The following ANKRD11 variants were observed in gnomAD, a reference collection of about 807,000 sequenced individuals.
The protein encoded by ANKRD11 is ankyrin repeat domain-containing protein 11.
In ANKRD11, 17 loss-of-function variants were observed where a neutral mutation model predicts 195.7. That is an observed-to-expected ratio of 0.09 (90% confidence interval 0.06 to 0.13). The LOEUF (loss-of-function observed/expected upper bound fraction) is 0.13. ANKRD11 is among the 10% of genes least tolerant of loss of function. ANKRD11 has a pLI of 1.00. For synonymous variants in ANKRD11, 1,953 were observed against 1,528.1 expected (o/e 1.28, Z -6.49); for missense variants, 3,735 against 3,566.1 (o/e 1.05, Z -1.21).
intron 2 of ANKRD11, among the ~76,000 whole-genome samples, chr16:89,347,681 C>T (rs1020483804): frequency 6.6e-6 from 1 of 151,336 alleles, no homozygotes; most frequent in African/African-American, 2.4e-5. Flanking sequence ...TTCTCCTTAT[C>T]GGTTTTTCCT....
At chr16:89,347,546 G>C (rs979378520) in intron 2 of ANKRD11, among the ~76,000 whole-genome samples, 2 of 151,548 alleles carry the variant, frequency 1.3e-5, no homozygotes, top group African/African-American at 4.9e-5. Flanking sequence ...GGGAGATGGA[G>C]GTTGCAGCGA....
chr16:89,388,293 A>ATGTTTTTTTTTTT (rs2041016022), intron 2 of ANKRD11, among the ~76,000 whole-genome samples: 2 of 85,266 alleles, frequency 2.3e-5, no homozygotes, highest in African/African-American at 4.3e-5. Flanking sequence ...CATGAGGCTG[A>ATGTTTTTTTTTTT]TTTTTTTTTT....
intron 5 of ANKRD11, 53 bp downstream of exon 5, chr16:89,290,960 G>C (rs2035022250): frequency 1.2e-6 from 2 of 1,609,988 alleles, no homozygotes; most frequent in African/African-American, 1.3e-5. Flanking sequence ...ATGAGGCTGC[G>C]ACCAGGCAGA....
At chr16:89,489,252 CA>C (rs1264354739) in intron 1 of ANKRD11, 1 of 152,478 alleles carries the variant, frequency 6.6e-6, no homozygotes, top group African/African-American at 2.4e-5. Context: ...CGCGCACACA[CA>C]TACACCACAC....
At chr16:89,382,474 T>C (rs1039947219) in intron 2 of ANKRD11, among the ~76,000 whole-genome samples, 3 of 149,478 alleles carry the variant, frequency 2.0e-5, no homozygotes, top group African/African-American at 7.4e-5. Context: ...CACAGGTGCG[T>C]GCCACCAAGC....
intron 2 of ANKRD11, among the ~76,000 whole-genome samples, chr16:89,329,377 A>C (rs1042958716): frequency 1.3e-5 from 2 of 152,188 alleles, no homozygotes; most frequent in African/African-American, 2.4e-5. Context: ...CTGTGAGTCT[A>C]TAATGATTTC....
Position 89,304,682 on chromosome 16 carries a change from A to C in ANKRD11, c.226+524T>G, listed in dbSNP as rs145246585. Among the ~76,000 whole-genome samples the C allele has an allele frequency of 6.5e-3, 989 of 152,190 alleles. 18 individuals are homozygous for C. The highest frequency in any genetic ancestry group is 0.023 in the African/African-American group (943 of 41,514). ...GGCATGTGCACATGGGCACACATAC[A>C]CACAGGCATACACACTTGGGCACAC... On this transcript the variant is annotated intron_variant, in intron 4 of 12. Coordinates refer to ENST00000301030, the MANE Select transcript of ANKRD11 (RefSeq NM_013275.6).
intron 1 of ANKRD11, among the ~76,000 whole-genome samples, chr16:89,479,890 C>G (rs994644606): frequency 6.7e-6 from 1 of 149,922 alleles, no homozygotes; most frequent in Non-Finnish European, 1.5e-5. Context: ...TTGCAGTGAG[C>G]CGAGATTGTG....
chr16:89,275,045 T>C (rs568821799), intron 10 of ANKRD11, 48 bp downstream of exon 10: 13 of 1,612,606 alleles, frequency 8.1e-6, no homozygotes, highest in Non-Finnish European at 8.5e-6. Context: ...GCCTGCGCCG[T>C]GAAAAGCCCT....
At chr16:89,406,656 A>C (rs1452428748) in intron 2 of ANKRD11, among the ~76,000 whole-genome samples, 1 of 152,130 alleles carries the variant, frequency 6.6e-6, no homozygotes, top group East Asian at 1.9e-4. Flanking sequence ...GTTTTAGTTA[A>C]CCAGGACTGT....
Position 89,378,390 on chromosome 16 carries a change from A to G in ANKRD11, c.-60+39894T>C, listed in dbSNP as rs558782212. Among the ~76,000 whole-genome samples, 6 of 152,352 alleles carry G rather than the reference A, an allele frequency of 3.9e-5. No individual in the cohort carries two copies. The South Asian group carries it at 1.2e-3, about 32-fold the overall frequency. Reference sequence around the variant, plus strand: ...ACCAAACATATATAATGATTTCATCAACGTGTATGTCAACCATATTGATTA... The same window carrying G: ...ACCAAACATATATAATGATTTCATCGACGTGTATGTCAACCATATTGATTA... On this transcript the variant is annotated intron_variant, in intron 2 of 12. Coordinates refer to ENST00000301030, the MANE Select transcript of ANKRD11 (RefSeq NM_013275.6).
chr16:89,443,782 A>G (rs1276075780), intron 1 of ANKRD11, among the ~76,000 whole-genome samples: 1 of 152,232 alleles, frequency 6.6e-6, no homozygotes, highest in African/African-American at 2.4e-5. Context: ...GTGATGACCC[A>G]TGACCAAGAT....
At chr16:89,466,612 C>T (rs1597496773) in intron 1 of ANKRD11, among the ~76,000 whole-genome samples, 2 of 152,000 alleles carry the variant, frequency 1.3e-5, no homozygotes, top group African/African-American at 4.8e-5. Context: ...CAGAAAACGA[C>T]GATTAGTGCT....
intron 2 of ANKRD11, among the ~76,000 whole-genome samples, chr16:89,409,380 G>A (rs1185225525): frequency 1.3e-5 from 2 of 152,166 alleles, no homozygotes; most frequent in Admixed American, 6.5e-5. Flanking sequence ...GTGGGAAGGC[G>A]GTCCCCATCC....
intron 2 of ANKRD11, among the ~76,000 whole-genome samples, chr16:89,384,875 TTTTC>T (rs377097289): frequency 8.4e-6 from 1 of 119,590 alleles, no homozygotes; most frequent in African/African-American, 3.5e-5. Flanking sequence ...TGAGAAATAG[TTTTC>T]TTTTTTTTTT....
At position 89,344,241 on chromosome 16, in the gene ANKRD11, C is replaced by G. The variant is rs551324316; in HGVS notation, c.-59-27163G>C. ...CGATCCATTTCAAATTACATCTGCA[C>G]GGTGCTTTACTTTCATACGTTATTT... On this transcript the variant is annotated intron_variant, in intron 2 of 12. Transcript: ENST00000301030. Among the ~76,000 whole-genome samples, 9 of 152,312 alleles carry G rather than the reference C, an allele frequency of 5.9e-5. No individual in the cohort carries two copies. In the East Asian group the frequency reaches 1.7e-3, roughly 29 times the overall value.
intron 3 of ANKRD11, among the ~76,000 whole-genome samples, chr16:89,309,390 A>G (rs2036484775): frequency 6.6e-6 from 1 of 152,366 alleles, no homozygotes; most frequent in South Asian, 2.1e-4. Flanking sequence ...GGGGAACATT[A>G]CTGAAGGCCC....
In ANKRD11 at chr16:89,291,920, CTG is replaced by C. The variant is rs1817717851; in HGVS notation, c.227-739_227-738del. On this transcript the variant is annotated intron_variant, in intron 4 of 12. Coordinates refer to ENST00000301030, the MANE Select transcript of ANKRD11 (RefSeq NM_013275.6). This position sits in a 1 kb window ranked among gnomAD's most constrained non-coding sequence, Gnocchi z 5.3. ...GCTGGCGTCTAACGCAACTCACGTG[CTG>C]TGTCTTTTAAAAGAGGCAGGAGGCA... 4.1e-6 allele frequency: 2 copies of C among 483,064 alleles called. No homozygotes were observed. The highest frequency in any genetic ancestry group is 2.5e-5 in the Admixed American group (1 of 39,472). 29.9% of individuals were successfully genotyped at this position (483,064 alleles called of 1,614,324 possible).
chr16:89,353,350 A>AAAGAG (rs1555550448), intron 2 of ANKRD11, among the ~76,000 whole-genome samples: 2 of 149,558 alleles, frequency 1.3e-5, no homozygotes, highest in African/African-American at 4.9e-5. Flanking sequence ...TCCAAAAAAA[A>AAAGAG]AGAGAGAGAG....
Sources: gnomAD v4.1 joint callset for allele counts (sites outside exome capture counted in the v4.1 genomes callset) on GRCh38, gnomAD v4.1.1 for gene constraint, Gnocchi (gnomAD v3.1) non-coding constraint, MANE v1.5 for transcripts, NCBI Gene and HGNC (gene_info 2026-07-23, HGNC 2026-07-21) for gene names.